Variants in FRMD4B observed in about 807,000 individuals in gnomAD.
The protein encoded by FRMD4B is FERM domain-containing protein 4B.
In FRMD4B, 74 loss-of-function variants were observed where a neutral mutation model predicts 141.5. The observed-to-expected ratio is 0.52, with a 90% CI of 0.43 to 0.63. FRMD4B has a LOEUF of 0.63. FRMD4B is among the 30% of genes least tolerant of loss of function. The probability of loss-of-function intolerance (pLI) is 0.00; values close to 1 mark genes in which losing one functional copy is unlikely to be tolerated. For synonymous variants in FRMD4B, 506 were observed against 467.9 expected, an observed-to-expected ratio of 1.08 and a Z score of -1.05; for missense variants, 1,366 against 1,253.4, an observed-to-expected ratio of 1.09 and a Z score of -1.36.
rs1044587419 is a variant in FRMD4B at position 69,402,474 on chromosome 3, T to G, written c.-1+30160A>C. ...TTCCTTATTACCTTATTAACCCAAT[T>G]AATGTGTGGGTTCTCTCTTACTTTA... On this transcript the variant is annotated intron_variant, in intron 2 of 5. Transcript: ENST00000459638. 7.2e-5 allele frequency among the ~76,000 whole-genome samples: 11 copies of G among 152,182 alleles called. 1 individual carries two copies. The South Asian group carries it at 1.0e-3, about 14-fold the overall frequency.
At chr3:69,222,661 C>T (rs563294927) in intron 8 of FRMD4B, among the ~76,000 whole-genome samples, 1 of 152,128 alleles carries the variant, frequency 6.6e-6, no homozygotes, top group East Asian at 1.9e-4. Context: ...ATCCCAGCTA[C>T]TTAGGAGGCT....
At chr3:69,509,163 GC>G (rs1358602233) in intron 1 of FRMD4B, among the ~76,000 whole-genome samples, 1 of 152,148 alleles carries the variant, frequency 6.6e-6, no homozygotes, top group African/African-American at 2.4e-5. Context: ...ATCTCTCCAG[GC>G]CAGACGGTGA....
At chr3:69,398,922 A>T (rs1040838710) in intron 2 of FRMD4B, among the ~76,000 whole-genome samples, 4 of 152,170 alleles carry the variant, frequency 2.6e-5, no homozygotes, top group Non-Finnish European at 5.9e-5. Context: ...TATATATATA[A>T]GCTATTTTAA....
chr3:69,209,264 T>G (rs1454960380), intron 11 of FRMD4B, among the ~76,000 whole-genome samples: 1 of 152,100 alleles, frequency 6.6e-6, no homozygotes, highest in Non-Finnish European at 1.5e-5. Flanking sequence ...CAGAGGAGCC[T>G]GCCTAGGCCT....
intron 1 of FRMD4B, among the ~76,000 whole-genome samples, chr3:69,463,389 AT>A (rs1393986556): frequency 6.6e-6 from 1 of 152,256 alleles, no homozygotes; most frequent in Non-Finnish European, 1.5e-5. Flanking sequence ...ATTCTGGTCC[AT>A]TGAAGTACAC....
chr3:69,289,830 AAAC>A (rs1168093325), intron 4 of FRMD4B, among the ~76,000 whole-genome samples: 1 of 152,046 alleles, frequency 6.6e-6, no homozygotes, highest in Non-Finnish European at 1.5e-5. Context: ...AAAACCCAAA[AAAC>A]AACGTATAGC....
chr3:69,224,333 G>A (rs1186700943), intron 8 of FRMD4B, among the ~76,000 whole-genome samples: 3 of 152,100 alleles, frequency 2.0e-5, no homozygotes, highest in Non-Finnish European at 4.4e-5. Flanking sequence ...ATTCACCTAG[G>A]AGCATACTCT....
chr3:69,237,082 A>C lies in FRMD4B; in HGVS notation c.581+12144T>G, dbSNP rs141864917. Among the ~76,000 whole-genome samples the C allele has an allele frequency of 2.9e-3, 436 of 152,356 alleles. 6 individuals carry two copies. Among genetic ancestry groups the C allele is most frequent in the Middle Eastern group, 0.02 (6 of 294 alleles). On this transcript the variant is annotated intron_variant, in intron 7 of 22. Transcript: ENST00000398540. ...AGATGAGAGAAACAAGACCCACTGA[A>C]GTTTGAAAACTTACCAAAGTTCCCA...
chr3:69,497,257 G>C (rs1706418777), intron 1 of FRMD4B, among the ~76,000 whole-genome samples: 1 of 152,152 alleles, frequency 6.6e-6, no homozygotes, highest in South Asian at 2.1e-4. Flanking sequence ...AATTTATTTT[G>C]TTATAAACTA....
intron 1 of FRMD4B, among the ~76,000 whole-genome samples, chr3:69,330,128 C>T (rs73838359): frequency 0.023 from 3,458 of 151,962 alleles, 118 homozygotes; most frequent in African/African-American, 0.079. Context: ...GCCCCTAAGA[C>T]AGTGCTTAGC....
intron 1 of FRMD4B, among the ~76,000 whole-genome samples, chr3:69,491,977 C>G (rs1031743076): frequency 1.3e-5 from 2 of 152,206 alleles, no homozygotes; most frequent in Non-Finnish European, 2.9e-5. Flanking sequence ...CCTCTTCCCC[C>G]TCCTCCGCCG....
chr3:69,438,167 G>A (rs552388258), intron 1 of FRMD4B, among the ~76,000 whole-genome samples: 10 of 150,850 alleles, frequency 6.6e-5, no homozygotes, highest in Non-Finnish European at 1.5e-4. Context: ...GTAGTGGTGC[G>A]ATTGTGGCTC....
At chr3:69,386,512 C>A (rs1704259607), upstream of FRMD4B, among the ~76,000 whole-genome samples, 1 of 152,106 alleles carries the variant, frequency 6.6e-6, no homozygotes, top group Non-Finnish European at 1.5e-5. Context: ...CCTTACTCAT[C>A]TTGCTCTGTT....
intron 11 of FRMD4B, among the ~76,000 whole-genome samples, chr3:69,214,293 A>G (rs2093117260): frequency 1.3e-5 from 2 of 152,184 alleles, no homozygotes. Context: ...GACAGATGGA[A>G]ATTACAGGAG....
At chr3:69,314,029 C>A (rs539569454) in intron 1 of FRMD4B, among the ~76,000 whole-genome samples, 6 of 144,720 alleles carry the variant, frequency 4.1e-5, no homozygotes, top group Non-Finnish European at 9.0e-5. Flanking sequence ...GTCCCAGCTA[C>A]TCGGGAGGCT....
intron 4 of FRMD4B, among the ~76,000 whole-genome samples, chr3:69,291,374 T>A (rs4855383): frequency 0.58 from 87,720 of 152,114 alleles, 25,422 homozygotes; most frequent in South Asian, 0.61. Context: ...TCTTCACTTG[T>A]ATTTTCCCAT....
chr3:69,427,188 A>G (rs1259012734), intron 2 of FRMD4B, among the ~76,000 whole-genome samples: 1 of 150,804 alleles, frequency 6.6e-6, no homozygotes, highest in Non-Finnish European at 1.5e-5. Flanking sequence ...GGAAGCATTA[A>G]CCCCTCAATA....
At chr3:69,527,034 C>T (rs1463849473) in intron 1 of FRMD4B, among the ~76,000 whole-genome samples, 1 of 152,114 alleles carries the variant, frequency 6.6e-6, no homozygotes, top group Non-Finnish European at 1.5e-5. Flanking sequence ...GCTTCTGATC[C>T]TCAGAGATTC....
At chr3:69,480,096 T>C (rs1706092213) in intron 1 of FRMD4B, among the ~76,000 whole-genome samples, 1 of 152,206 alleles carries the variant, frequency 6.6e-6, no homozygotes, top group South Asian at 2.1e-4. Flanking sequence ...GTTATTCTAG[T>C]TATACATTCG....
Sources: gnomAD v4.1 joint callset for allele counts (sites outside exome capture counted in the v4.1 genomes callset) on GRCh38, gnomAD v4.1.1 for gene constraint, MANE v1.5 for transcripts, NCBI Gene and HGNC (gene_info 2026-07-23, HGNC 2026-07-21) for gene names.